The following ZXDC variants were observed in gnomAD, a reference collection of about 807,000 sequenced individuals.
The protein encoded by ZXDC is ZXD family zinc finger C, also known as zinc finger protein ZXDC.
Under a neutral mutation model 63.6 loss-of-function variants are expected in ZXDC, and 58 were observed. That is an observed-to-expected ratio of 0.91 (90% CI 0.74 to 1.13). The LOEUF (loss-of-function observed/expected upper bound fraction) is 1.13, where lower values mean the gene tolerates loss of function less well. Ranked by LOEUF, ZXDC falls within the 50% of genes most tolerant of loss-of-function variation. ZXDC has a pLI of 0.00. For synonymous variants in ZXDC, 561 were observed against 496.1 expected, an observed-to-expected ratio of 1.13 and a Z score of -1.74; for missense variants, 1,133 against 1,148.9, an observed-to-expected ratio of 0.99 and a Z score of 0.20.
chr3:126,467,928 T>C (rs189402951), intron 4 of ZXDC, among the ~76,000 whole-genome samples: 3 of 152,360 alleles, frequency 2.0e-5, no homozygotes, highest in Admixed American at 1.3e-4. Context: ...GGTTTCCATT[T>C]TTTAAAGTAC....
rs1261068965 is a variant in ZXDC, at chr3:126,440,793, C to T, written c.2394+972G>A. ...CACCCCCAGCTGCCCGCAGCCTCTT[C>T]CCTGCCCCCTTCCCAGCCCACCTCT... On this transcript the variant is annotated intron_variant, in intron 8 of 9. Coordinates refer to ENST00000389709, the MANE Select transcript of ZXDC (RefSeq NM_025112.5). 5 of 986,696 alleles carry T rather than the reference C, an allele frequency of 5.1e-6. No individual in the cohort carries two copies. The East Asian group carries it at 4.5e-4, about 89-fold the overall frequency. 61.1% of individuals were successfully genotyped at this position (986,696 alleles called of 1,614,324 possible).
At chr3:126,449,503 C>T (rs147886077) in intron 7 of ZXDC, among the ~76,000 whole-genome samples, 71 of 152,346 alleles carry the variant, frequency 4.7e-4, no homozygotes, top group African/African-American at 1.7e-3. Context: ...GGCAACCTGC[C>T]CCAGGCTGCT....
At chr3:126,462,787 G>A (rs1208552478) in intron 5 of ZXDC, among the ~76,000 whole-genome samples, 1 of 152,198 alleles carries the variant, frequency 6.6e-6, no homozygotes, top group Non-Finnish European at 1.5e-5. Context: ...GAGCCATATA[G>A]GGGTGAACAA....
In ZXDC at chr3:126,471,998, T is replaced by C; in HGVS notation, c.1114A>G (p.Met372Val). ...SDSCGWTFTS[M>V]SKLLRHRRKH... ...CTTCTGTGCCTTAGAAGTTTGGACA[T>C]GCTGGTGAAGGTCCAGCCACAGCTG... The change falls in exon 3 of 10, where the codon ATG becomes GTG. Residue 372 changes from methionine to valine, a missense_variant. Met to Val is a conservative substitution (Grantham distance 21). Transcript: ENST00000389709. 1.2e-6 allele frequency: 2 copies of C among 1,613,660 alleles called. No homozygotes were observed. The highest frequency in any genetic ancestry group is 1.7e-6 in the Non-Finnish European group (2 of 1,179,848).
intron 4 of ZXDC, among the ~76,000 whole-genome samples, chr3:126,466,898 G>A (rs1041635875): frequency 1.3e-5 from 2 of 152,126 alleles, no homozygotes; most frequent in Middle Eastern, 3.2e-3. Context: ...ACAGGCATCA[G>A]AGGAAAAACA....
intron 4 of ZXDC, among the ~76,000 whole-genome samples, chr3:126,467,271 C>G (rs763084889): frequency 2.0e-5 from 3 of 152,136 alleles, no homozygotes; most frequent in Non-Finnish European, 4.4e-5. Context: ...TGCAGGCACC[C>G]CAGCCTGGGT....
rs766827861 is a variant in ZXDC at position 126,441,853 on chromosome 3, A to G, written c.2306T>C (p.Leu769Pro). The change falls in exon 8 of 10, where the codon CTC (leucine) becomes CCC (proline). Residue 769 changes from leucine (L) to proline (P), a missense_variant. By Grantham distance (98) the Leu-to-Pro change is moderately conservative. Transcript: ENST00000389709. ...TGGCCGTCCTCCGCTGGGCACCACGAGGCTCCCACACAACCAACTGTTCTG... is the reference window on the plus strand; with the variant it reads ...TGGCCGTCCTCCGCTGGGCACCACGGGGCTCCCACACAACCAACTGTTCTG... ...ASQNSWLCGS[L>P]VVPSGGRPGP... 8.1e-6 allele frequency: 13 copies of G among 1,613,726 alleles called. No individual in the cohort carries two copies. Among genetic ancestry groups the G allele is most frequent in the Non-Finnish European group, 1.1e-5 (13 of 1,179,892 alleles).
At chr3:126,441,568 G>C (rs1274662807) in intron 8 of ZXDC, 197 bp downstream of exon 8, 8 of 1,334,212 alleles carry the variant, frequency 6.0e-6, no homozygotes, top group Non-Finnish European at 7.6e-6. Context: ...AGCAGATGCA[G>C]GACAGGCTGG....
chr3:126,475,884 G>T lies in ZXDC; in HGVS notation c.-19C>A. On this transcript the variant is annotated 5_prime_UTR_variant, in exon 1 of 10. Transcript: ENST00000389709. The stretch of plus-strand genomic sequence containing the variant: ...GGTCCATCTTGGTCCCAGCGACGGC[G>T]TCGGAGCAGCTTCGGACGCAGAGCT... 9.3e-7 allele frequency: 1 copy of T among 1,074,254 alleles called. No homozygotes were observed. Among genetic ancestry groups the T allele is most frequent in the Non-Finnish European group, 1.1e-6 (1 of 887,934 alleles). The allele number at this position is 1,074,254 out of a possible 1,614,324, so 66.5% of individuals were successfully genotyped here.
chr3:126,462,295 T>C (rs745734573), intron 5 of ZXDC, 75 bp from the exon 6 acceptor site: 74 of 1,500,904 alleles, frequency 4.9e-5, no homozygotes, highest in Non-Finnish European at 6.1e-5. Context: ...GCCCATGATG[T>C]TACCGAGTGA....
chr3:126,462,373 T>C (rs773438040), intron 5 of ZXDC, among the ~76,000 whole-genome samples, 153 bp from the exon 6 acceptor site: 11 of 152,146 alleles, frequency 7.2e-5, no homozygotes, highest in African/African-American at 2.7e-4. Context: ...CAGAGTCCCA[T>C]GGCCGGTCGC....
At chr3:126,456,476 T>TG (rs1048204666) in intron 7 of ZXDC, among the ~76,000 whole-genome samples, 3 of 152,116 alleles carry the variant, frequency 2.0e-5, no homozygotes, top group Non-Finnish European at 4.4e-5. Context: ...TGGGCTTCCC[T>TG]GGGGGGCAAT....
At position 126,441,155 on chromosome 3, in the gene ZXDC, G is replaced by A. The variant is rs958834261; in HGVS notation, c.2394+610C>T. The stretch of plus-strand genomic sequence containing the variant: ...AGATGCAGGTGTGCTCAGGGCTGCT[G>A]AAGCAGGTGTGCTCAAAGACCTCCT... On this transcript the variant is annotated intron_variant, in intron 8 of 9. Transcript: ENST00000389709. 34 of 985,504 alleles carry A rather than the reference G, an allele frequency of 3.5e-5. No homozygotes were observed. In the African/African-American group the frequency reaches 5.8e-4, roughly 17 times the overall value. 61.0% of individuals were successfully genotyped at this position (985,504 alleles called of 1,614,324 possible). A position where few individuals can be genotyped will look rare whatever the true frequency, so the allele number is the denominator to read the frequency against.
chr3:126,475,347 G>T lies in ZXDC; in HGVS notation c.519C>A (p.Pro173=). 6.6e-7 allele frequency: 1 copy of T among 1,506,962 alleles called. No individual in the cohort carries two copies. Among genetic ancestry groups the T allele is most frequent in the Non-Finnish European group, 8.9e-7 (1 of 1,126,532 alleles). The allele number at this position is 1,506,962 out of a possible 1,614,324, so 93.3% of individuals were successfully genotyped here. A position where few individuals can be genotyped will look rare whatever the true frequency, so the allele number is the denominator to read the frequency against. The change falls in exon 1 of 10, where the codon CCC becomes CCA. Residue 173 remains proline (P), a synonymous_variant. Coordinates refer to ENST00000389709, the MANE Select transcript of ZXDC (RefSeq NM_025112.5). ...ACTGCGGCTCGGGGCAGCGGTAGCCGGGCGTGCTGGGGCCGGAGGCCTGGG... is the reference window on the plus strand; with the variant it reads ...ACTGCGGCTCGGGGCAGCGGTAGCCTGGCGTGCTGGGGCCGGAGGCCTGGG... ...RAPQASGPST[P]GYRCPEPQCA...
chr3:126,466,211 AAG>A lies in ZXDC; in HGVS notation c.1383_1384del (p.Phe462HisfsTer35). 1 of 1,614,210 alleles carries A rather than the reference AAG, an allele frequency of 6.2e-7. No individual in the cohort carries two copies. The highest frequency in any genetic ancestry group is 8.5e-7 in the Non-Finnish European group (1 of 1,180,040). ...CGCCTTCATGCTGTGCTTGGAGGTG[AAG>A]AGTCTGTTGCAGGTAGAAACTGGGC... is the stretch of plus-strand genomic sequence containing the variant. On this transcript the variant is annotated frameshift_variant, in exon 5 of 10. Coordinates refer to ENST00000389709, the MANE Select transcript of ZXDC (RefSeq NM_025112.5). LOFTEE classifies it high-confidence loss of function.
rs1377441566 is a variant in ZXDC at position 126,450,516 on chromosome 3, CAT to C, written c.2213-8572_2213-8571del. 1.8e-5 allele frequency: 8 copies of C among 456,570 alleles called. No individual in the cohort carries two copies. The Admixed American group carries it at 1.9e-4, about 11-fold the overall frequency. 28.3% of individuals were successfully genotyped at this position (456,570 alleles called of 1,614,324 possible). A position where few individuals can be genotyped will look rare whatever the true frequency, so the allele number is the denominator to read the frequency against. The stretch of plus-strand genomic sequence containing the variant: ...AAACCCACCTGGGCACCTCATGACA[CAT>C]GTGGCACAGGAGCCACATGCATGTG... On this transcript the variant is annotated intron_variant, in intron 7 of 9. Transcript: ENST00000389709.
At chr3:126,461,414 A>T (rs1934528776) in intron 6 of ZXDC, 121 bp downstream of exon 6, 1 of 1,439,108 alleles carries the variant, frequency 6.9e-7, no homozygotes, top group Non-Finnish European at 9.1e-7. Flanking sequence ...CTTGTAGTCC[A>T]GGGCTGCGTC....
Position 126,461,808 on chromosome 3 carries a change from C to T in ZXDC, c.1854G>A (p.Lys618=). Residue 618 remains lysine, a synonymous_variant, in exon 6 of 10, where the codon AAG becomes AAA. Coordinates refer to ENST00000389709, the MANE Select transcript of ZXDC (RefSeq NM_025112.5). Reference sequence around the variant, plus strand: ...AAGCCAGTGGGTCGTCACTCAAGTTCTTCATGGGCAGAGCCACCAGACAGC... The same window carrying T: ...AAGCCAGTGGGTCGTCACTCAAGTTTTTCATGGGCAGAGCCACCAGACAGC... ...ALGCLVALPM[K]NLSDDPLALT... is the part of the protein sequence containing the mutation. 1 of 1,614,104 alleles carries T rather than the reference C, an allele frequency of 6.2e-7. No homozygotes were observed. Among genetic ancestry groups the T allele is most frequent in the Non-Finnish European group, 8.5e-7 (1 of 1,180,012 alleles).
chr3:126,458,087 C>G (rs1934381273), intron 7 of ZXDC, among the ~76,000 whole-genome samples: 1 of 152,182 alleles, frequency 6.6e-6, no homozygotes, highest in African/African-American at 2.4e-5. Flanking sequence ...CCACTGGATT[C>G]TGATTCCAAC....
Sources: allele counts gnomAD v4.1 joint callset (sites outside exome capture counted in the v4.1 genomes callset), GRCh38; gene constraint gnomAD v4.1.1; transcripts MANE v1.5; gene names NCBI Gene and HGNC (gene_info 2026-07-23, HGNC 2026-07-21).